Variants in UBE2G1 observed in about 807,000 individuals in gnomAD.
UBE2G1 encodes ubiquitin conjugating enzyme E2 G1, also known as ubiquitin-conjugating enzyme E2 G1.
In UBE2G1, 5 loss-of-function variants were observed where a neutral mutation model predicts 22.7. The ratio of observed to expected loss-of-function variants is 0.22; its 90% CI spans 0.12 to 0.46. UBE2G1 has a LOEUF of 0.46. UBE2G1 is among the 20% of genes least tolerant of loss of function. The pLI, the probability that UBE2G1 is intolerant of heterozygous loss-of-function variation, is 0.99. For missense variants in UBE2G1, 88 were observed against 203.9 expected, an observed-to-expected ratio of 0.43 and a Z score of 3.46; for synonymous variants, 74 against 67.5, an observed-to-expected ratio of 1.10 and a Z score of -0.47.
At chr17:4,347,431 C>A (rs1969789759) in intron 1 of UBE2G1, among the ~76,000 whole-genome samples, 2 of 145,242 alleles carry the variant, frequency 1.4e-5, no homozygotes, top group African/African-American at 5.1e-5. Context: ...CACTTGATGT[C>A]TCTGTGTCAT....
rs567525226 is a variant in UBE2G1 at position 4,328,975 on chromosome 17, G to A, written c.47-21852C>T. The stretch of plus-strand genomic sequence containing the variant: ...CAAAAAATTAGCCAGGCGTGGTGGC[G>A]GACGCCTGTAGTCCCAGCTACTCAG... On this transcript the variant is annotated intron_variant, in intron 1 of 5. Coordinates refer to ENST00000396981, the MANE Select transcript of UBE2G1 (RefSeq NM_003342.5). Among the ~76,000 whole-genome samples the A allele has an allele frequency of 8.5e-5, 13 of 152,064 alleles. No individual in the cohort carries two copies. The East Asian group carries it at 1.9e-3, about 23-fold the overall frequency.
chr17:4,284,992 C>T (rs1968945911), intron 4 of UBE2G1, among the ~76,000 whole-genome samples: 1 of 151,836 alleles, frequency 6.6e-6, no homozygotes, highest in East Asian at 1.9e-4. Context: ...ACAACATGTG[C>T]ACATCACCAC....
At chr17:4,291,593 G>C (rs952817275) in intron 3 of UBE2G1, among the ~76,000 whole-genome samples, 1 of 151,894 alleles carries the variant, frequency 6.6e-6, no homozygotes, top group African/African-American at 2.4e-5. Flanking sequence ...CACTAATCCA[G>C]GATCTTTACA....
rs1463883197 is a variant in UBE2G1, at chr17:4,271,434, T to C, written c.*1120A>G. On this transcript the variant is annotated 3_prime_UTR_variant, in exon 6 of 6. Transcript: ENST00000396981. ...ATAAAAGCCAACAACTTGACAATTATTGAAAAAAAATTATATTTTGGAAGA... is the reference window on the plus strand; with the variant it reads ...ATAAAAGCCAACAACTTGACAATTACTGAAAAAAAATTATATTTTGGAAGA... 1 of 152,596 alleles carries C rather than the reference T, an allele frequency of 6.6e-6. No homozygotes were observed. The highest frequency in any genetic ancestry group is 1.5e-5 in the Non-Finnish European group (1 of 68,036). The allele number at this position is 152,596 out of a possible 1,614,324, so 9.5% of individuals were successfully genotyped here. A position where few individuals can be genotyped will look rare whatever the true frequency, so the allele number is the denominator to read the frequency against.
intron 1 of UBE2G1, among the ~76,000 whole-genome samples, chr17:4,361,973 A>T (rs529480424): frequency 6.6e-6 from 1 of 151,950 alleles, no homozygotes; most frequent in East Asian, 1.9e-4. Context: ...AAAAAAAAAA[A>T]AAAAAAAAGA....
At chr17:4,366,125 G>T in intron 1 of UBE2G1, 146 bp downstream of exon 1, 1 of 807,412 alleles carries the variant, frequency 1.2e-6, no homozygotes, top group Non-Finnish European at 1.8e-6. Flanking sequence ...GCTGGGCCCG[G>T]CCGGGACCGG....
chr17:4,283,371 A>G (rs1450372028), intron 4 of UBE2G1, among the ~76,000 whole-genome samples: 2 of 152,170 alleles, frequency 1.3e-5, no homozygotes, highest in Middle Eastern at 6.3e-3. Flanking sequence ...GTGGTGGCAC[A>G]TGCCTGTAAT....
intron 1 of UBE2G1, among the ~76,000 whole-genome samples, chr17:4,344,580 C>G (rs189944340): frequency 6.6e-6 from 1 of 151,740 alleles, no homozygotes; most frequent in Non-Finnish European, 1.5e-5. Flanking sequence ...GGAAAAAGCT[C>G]TCAGCCAGGT....
rs1161584649 is a variant in UBE2G1 at position 4,357,503 on chromosome 17, GTGT to G, written c.46+8765_46+8767del. 4.1e-3 allele frequency among the ~76,000 whole-genome samples: 259 copies of G among 62,442 alleles called. 5 individuals are homozygous for G. The highest frequency in any genetic ancestry group is 0.016 in the African/African-American group (240 of 14,700). 41.0% of individuals were successfully genotyped at this position (62,442 alleles called of 152,430 possible). On this transcript the variant is annotated intron_variant, in intron 1 of 5. Coordinates refer to ENST00000396981, the MANE Select transcript of UBE2G1 (RefSeq NM_003342.5). ...TGTCATCACTCGGTTGTGTGTGTGT[GTGT>G]GTGGGGGGGGGGGGTGGGTGTATAA...
At chr17:4,342,700 T>G (rs925302538) in intron 1 of UBE2G1, among the ~76,000 whole-genome samples, 1 of 152,200 alleles carries the variant, frequency 6.6e-6, no homozygotes, top group African/African-American at 2.4e-5. Flanking sequence ...TAGCATCATG[T>G]CTCATCTGAC....
intron 3 of UBE2G1, among the ~76,000 whole-genome samples, chr17:4,291,539 C>T (rs1335718237): frequency 6.6e-6 from 1 of 151,952 alleles, no homozygotes; most frequent in Non-Finnish European, 1.5e-5. Flanking sequence ...ATTCTACCAC[C>T]ACTATATAAG....
rs189944340 is a variant in UBE2G1 at position 4,344,580 on chromosome 17, C to A, written c.46+21691G>T. ...AAAAAAAAAAGGAAAGGAAAAAGCT[C>A]TCAGCCAGGTGCGGTGACTCACACC... On this transcript the variant is annotated intron_variant, in intron 1 of 5. Transcript: ENST00000396981. Among the ~76,000 whole-genome samples the A allele has an allele frequency of 2.8e-4, 43 of 151,852 alleles. No individual in the cohort carries two copies. The Middle Eastern group carries it at 0.014, about 48-fold the overall frequency.
intron 5 of UBE2G1, among the ~76,000 whole-genome samples, chr17:4,279,750 G>A (rs969746357): frequency 4.9e-5 from 6 of 122,300 alleles, no homozygotes; most frequent in African/African-American, 1.1e-4. Context: ...AATCCAGCCC[G>A]AGCGACACAG....
At chr17:4,302,538 T>C (rs1969196583) in intron 2 of UBE2G1, 1 of 416,658 alleles carries the variant, frequency 2.4e-6, no homozygotes, top group Non-Finnish European at 4.8e-6. Flanking sequence ...TGGATGATAC[T>C]GGACACTGGG....
At chr17:4,323,695 C>T (rs1371490584) in intron 1 of UBE2G1, among the ~76,000 whole-genome samples, 1 of 152,154 alleles carries the variant, frequency 6.6e-6, no homozygotes, top group Non-Finnish European at 1.5e-5. Flanking sequence ...TCTATAGGTA[C>T]ATGGCACCAT....
At chr17:4,300,828 G>A (rs1969168923) in intron 2 of UBE2G1, among the ~76,000 whole-genome samples, 4 of 151,738 alleles carry the variant, frequency 2.6e-5, no homozygotes, top group Admixed American at 2.6e-4. Context: ...GCCAGGCATG[G>A]TGACAGGTGC....
At chr17:4,325,212 C>T (rs1361058130) in intron 1 of UBE2G1, among the ~76,000 whole-genome samples, 5 of 152,066 alleles carry the variant, frequency 3.3e-5, no homozygotes, top group Non-Finnish European at 2.9e-5. Context: ...GTAAGATACA[C>T]GTCAAATATT....
intron 1 of UBE2G1, among the ~76,000 whole-genome samples, chr17:4,321,713 G>C (rs902874535): frequency 6.6e-6 from 1 of 151,974 alleles, no homozygotes; most frequent in Non-Finnish European, 1.5e-5. Flanking sequence ...GACTGGTCTT[G>C]AACTCCTGAG....
chr17:4,319,796 T>C (rs974880722), intron 1 of UBE2G1, among the ~76,000 whole-genome samples: 4 of 151,642 alleles, frequency 2.6e-5, no homozygotes, highest in African/African-American at 7.3e-5. Flanking sequence ...TTTACATGTA[T>C]TGTAAACTTT....
Sources: gnomAD v4.1 joint callset for allele counts (sites outside exome capture counted in the v4.1 genomes callset) on GRCh38, gnomAD v4.1.1 for gene constraint, MANE v1.5 for transcripts, NCBI Gene and HGNC (gene_info 2026-07-23, HGNC 2026-07-21) for gene names.